Variants in AGAP1 observed in about 807,000 individuals in gnomAD.
The protein encoded by AGAP1 is arf-GAP with GTPase, ANK repeat and PH domain-containing protein 1.
AGAP1 carries 29 observed loss-of-function variants against 105.3 expected under a neutral mutation model. The observed-to-expected ratio is 0.28, with a 90% CI of 0.21 to 0.38. The LOEUF (loss-of-function observed/expected upper bound fraction) is 0.38, where lower values mean the gene tolerates loss of function less well. AGAP1 is among the 10% of genes least tolerant of loss of function. The probability of loss-of-function intolerance (pLI) is 1.00; values close to 1 mark genes in which losing one functional copy is unlikely to be tolerated. For synonymous variants in AGAP1, 509 were observed against 485.9 expected, an observed-to-expected ratio of 1.05 and a Z score of -0.63; for missense variants, 998 against 1,165.1, an observed-to-expected ratio of 0.86 and a Z score of 2.09.
intron 13 of AGAP1, among the ~76,000 whole-genome samples, chr2:235,991,712 A>G (rs1402007952): frequency 2.0e-5 from 3 of 152,218 alleles, no homozygotes; most frequent in Non-Finnish European, 4.4e-5. Context: ...ACATAAGGCT[A>G]TCTTGCTTCA....
In AGAP1 at chr2:235,904,926, G is replaced by C. The variant is rs1575743403; in HGVS notation, c.1156-3812G>C. Among the ~76,000 whole-genome samples the C allele has an allele frequency of 6.6e-6, 1 of 152,086 alleles. No individual in the cohort carries two copies. The highest frequency in any genetic ancestry group is 1.5e-5 in the Non-Finnish European group (1 of 68,020). On this transcript the variant is annotated intron_variant, in intron 10 of 17. Transcript: ENST00000304032. This position sits in a 1 kb window ranked among gnomAD's most constrained non-coding sequence, Gnocchi z 4.2. ...TTTGTAAAATTTTTAAAAATGTGCAGTGCCTTGAAATATAAGAATTGGCTA... is the reference window on the plus strand; with the variant it reads ...TTTGTAAAATTTTTAAAAATGTGCACTGCCTTGAAATATAAGAATTGGCTA...
intron 1 of AGAP1, among the ~76,000 whole-genome samples, chr2:235,686,654 T>C (rs1402374252): frequency 1.6e-5 from 1 of 63,298 alleles, no homozygotes; most frequent in East Asian, 6.1e-4. Context: ...TAGATATATA[T>C]ATATATATAT....
intron 8 of AGAP1, among the ~76,000 whole-genome samples, chr2:235,800,881 G>C (rs977273761): frequency 1.3e-5 from 2 of 152,192 alleles, no homozygotes; most frequent in African/African-American, 2.4e-5. Context: ...TAAACCATCT[G>C]ACTTCCATTT....
chr2:235,873,735 G>C (rs748319838), intron 9 of AGAP1, among the ~76,000 whole-genome samples: 1 of 152,182 alleles, frequency 6.6e-6, no homozygotes, highest in Non-Finnish European at 1.5e-5. Context: ...CCACATTTTC[G>C]TTTTGTTTTT....
chr2:236,056,381 C>T lies in AGAP1; in HGVS notation c.2114+7100C>T, dbSNP rs1414593439. On this transcript the variant is annotated intron_variant, in intron 16 of 17. Coordinates refer to ENST00000304032, the MANE Select transcript of AGAP1 (RefSeq NM_001037131.3). This position sits in a 1 kb window ranked among gnomAD's most constrained non-coding sequence, Gnocchi z 4.6. ...CATTTACGTTCTGAAATACGGCCGT[C>T]GTGACAATTAAGGAGTTTCTGATGC... 1.3e-5 allele frequency among the ~76,000 whole-genome samples: 2 copies of T among 152,126 alleles called. No individual in the cohort carries two copies. The highest frequency in any genetic ancestry group is 2.4e-5 in the African/African-American group (1 of 41,412).
At chr2:236,102,646 C>T (rs1576310545) in intron 16 of AGAP1, among the ~76,000 whole-genome samples, 1 of 151,132 alleles carries the variant, frequency 6.6e-6, no homozygotes, top group Admixed American at 6.6e-5. Flanking sequence ...AATAAAGGTG[C>T]CTGTGTTAAA....
In AGAP1 at chr2:236,040,662, A is replaced by G; in HGVS notation, c.1801-89A>G. 1 of 1,259,834 alleles carries G rather than the reference A, an allele frequency of 7.9e-7. No individual in the cohort carries two copies. Among genetic ancestry groups the G allele is most frequent in the East Asian group, 2.4e-5 (1 of 41,940 alleles). The allele number at this position is 1,259,834 out of a possible 1,614,324, so 78.0% of individuals were successfully genotyped here. A position where few individuals can be genotyped will look rare whatever the true frequency, so the allele number is the denominator to read the frequency against. Reference sequence around the variant, plus strand: ...TACCCTCGTCCTACATTTGCTCCCAATCTGTTTGATCTTTCCCTGATGTTA... The same window carrying G: ...TACCCTCGTCCTACATTTGCTCCCAGTCTGTTTGATCTTTCCCTGATGTTA... On this transcript the variant is annotated intron_variant, in intron 14 of 17. Coordinates refer to ENST00000304032, the MANE Select transcript of AGAP1 (RefSeq NM_001037131.3). The surrounding 1 kb of genome is among the most constrained non-coding windows in gnomAD (Gnocchi z 5.6).
rs748364384 is a variant in AGAP1, at chr2:236,003,635, C to T, written c.1646-32926C>T. Among the ~76,000 whole-genome samples the T allele has an allele frequency of 3.9e-5, 6 of 152,142 alleles. No individual in the cohort carries two copies. The highest frequency in any genetic ancestry group is 9.7e-5 in the African/African-American group (4 of 41,428). On this transcript the variant is annotated intron_variant, in intron 13 of 17. Coordinates refer to ENST00000304032, the MANE Select transcript of AGAP1 (RefSeq NM_001037131.3). The surrounding 1 kb of genome is among the most constrained non-coding windows in gnomAD (Gnocchi z 4.2). ...CACCCCACACTCTCCCTTGGATTTG[C>T]GCCTGTTCTTTCTCTGGCTGTGCAC...
Position 236,028,748 on chromosome 2 carries a change from G to A in AGAP1, c.1646-7813G>A, listed in dbSNP as rs571975898. ...TGGGTAGCAGGGATGGAAAAAAGCA[G>A]TTACAGTGGGTGTCCTTGTCTTGAG... On this transcript the variant is annotated intron_variant, in intron 13 of 17. Transcript: ENST00000304032. Among the ~76,000 whole-genome samples the A allele has an allele frequency of 3.3e-5, 5 of 152,252 alleles. No individual in the cohort carries two copies. The East Asian group carries it at 7.7e-4, about 23-fold the overall frequency.
chr2:235,835,088 T>A (rs1232733990), intron 9 of AGAP1, among the ~76,000 whole-genome samples: 1 of 152,134 alleles, frequency 6.6e-6, no homozygotes, highest in African/African-American at 2.4e-5. Context: ...CTACTTTTGC[T>A]CTCCCCGATT....
At chr2:235,946,154 C>G (rs1276015067) in intron 12 of AGAP1, among the ~76,000 whole-genome samples, 1 of 150,630 alleles carries the variant, frequency 6.6e-6, no homozygotes, top group Non-Finnish European at 1.5e-5. Context: ...CAGATAAGCT[C>G]TTTGGTTTCT....
Position 235,993,047 on chromosome 2 carries a change from G to T in AGAP1, c.1645+24424G>T, listed in dbSNP as rs999007345. Reference sequence around the variant, plus strand: ...TTACAAAAAACCAGTTTAAGACATGGACTTTTTTCATATGTACATCTGAAA... The same window carrying T: ...TTACAAAAAACCAGTTTAAGACATGTACTTTTTTCATATGTACATCTGAAA... On this transcript the variant is annotated intron_variant, in intron 13 of 17. Transcript: ENST00000304032. The surrounding 1 kb of genome is among the most constrained non-coding windows in gnomAD (Gnocchi z 5.0). 6.6e-6 allele frequency among the ~76,000 whole-genome samples: 1 copy of T among 152,138 alleles called. No individual in the cohort carries two copies. The highest frequency in any genetic ancestry group is 1.5e-5 in the Non-Finnish European group (1 of 68,034).
intron 1 of AGAP1, among the ~76,000 whole-genome samples, chr2:235,704,969 C>CTTTTT (rs969370505): frequency 3.4e-4 from 20 of 59,694 alleles, no homozygotes; most frequent in South Asian, 6.0e-4. Context: ...ATGCTTTTTT[C>CTTTTT]TTTTTTTTTT....
chr2:235,699,057 G>C (rs1028299928), intron 1 of AGAP1, among the ~76,000 whole-genome samples: 1 of 134,542 alleles, frequency 7.4e-6, no homozygotes, highest in Admixed American at 8.3e-5. Context: ...GGACCACCAC[G>C]GGCATCAGAC....
chr2:235,688,477 C>T (rs951169593), intron 1 of AGAP1, among the ~76,000 whole-genome samples: 1 of 152,128 alleles, frequency 6.6e-6, no homozygotes, highest in Non-Finnish European at 1.5e-5. Flanking sequence ...GACAGACTTC[C>T]GAAACTTTCT....
At position 235,852,384 on chromosome 2, in the gene AGAP1, G is replaced by A. The variant is rs186153635; in HGVS notation, c.1051-30961G>A. The stretch of plus-strand genomic sequence containing the variant: ...CAGGGCCCTCCTAGCGTGCGCGGAG[G>A]GGGCTTGGGGTGGAAAGGGGGGGGA... On this transcript the variant is annotated intron_variant, in intron 9 of 17. Transcript: ENST00000304032. Among the ~76,000 whole-genome samples the A allele has an allele frequency of 6.7e-4, 102 of 152,324 alleles. 1 individual carries two copies. In the East Asian group the frequency reaches 0.016, roughly 24 times the overall value.
At position 235,624,366 on chromosome 2, in the gene AGAP1, C is replaced by T. The variant is rs79165333; in HGVS notation, c.164-84813C>T. 6.0e-3 allele frequency among the ~76,000 whole-genome samples: 909 copies of T among 152,298 alleles called. 10 individuals carry two copies. Among genetic ancestry groups the T allele is most frequent in the African/African-American group, 0.021 (855 of 41,542 alleles). Reference sequence around the variant, plus strand: ...CCATCTGGATCTCTTTCCTCCGCTACTTCTGTGTCCTTAGACAGTAGATGG... The same window carrying T: ...CCATCTGGATCTCTTTCCTCCGCTATTTCTGTGTCCTTAGACAGTAGATGG... On this transcript the variant is annotated intron_variant, in intron 1 of 17. Coordinates refer to ENST00000304032, the MANE Select transcript of AGAP1 (RefSeq NM_001037131.3).
intron 6 of AGAP1, among the ~76,000 whole-genome samples, chr2:235,755,361 C>T (rs903625575): frequency 6.6e-6 from 1 of 152,174 alleles, no homozygotes; most frequent in African/African-American, 2.4e-5. Context: ...CTCCTAGGGC[C>T]TGGATACATG....
chr2:235,703,882 C>G (rs937465486), intron 1 of AGAP1, among the ~76,000 whole-genome samples: 1 of 152,134 alleles, frequency 6.6e-6, no homozygotes, highest in Non-Finnish European at 1.5e-5. Context: ...GGTGATCTGC[C>G]TGCAGGCTAG....
Sources: gnomAD v4.1 joint callset for allele counts (sites outside exome capture counted in the v4.1 genomes callset) on GRCh38, gnomAD v4.1.1 for gene constraint, Gnocchi (gnomAD v3.1) non-coding constraint, MANE v1.5 for transcripts, NCBI Gene and HGNC (gene_info 2026-07-23, HGNC 2026-07-21) for gene names.